CMSS1: variants seen among roughly 807,000 people sequenced by gnomAD.
CMSS1 encodes protein CMSS1.
CMSS1 carries 33 observed loss-of-function variants against 43.5 expected under a neutral mutation model. The observed-to-expected ratio is 0.76, with a 90% CI of 0.57 to 1.01. The LOEUF is 1.01. Among genes scored for constraint, CMSS1 ranks in the 50% least tolerant of loss-of-function variants. The pLI, the probability that CMSS1 is intolerant of heterozygous loss-of-function variation, is 0.00. For missense variants in CMSS1, 313 were observed against 326.4 expected, an observed-to-expected ratio of 0.96 and a Z score of 0.32; for synonymous variants, 115 against 117.2, an observed-to-expected ratio of 0.98 and a Z score of 0.12.
intron 1 of CMSS1, among the ~76,000 whole-genome samples, chr3:100,136,723 A>G (rs183132619): frequency 1.1e-4 from 16 of 152,248 alleles, no homozygotes; most frequent in Admixed American, 9.2e-4. Context: ...GACAAGGATA[A>G]AGTGAGAACA....
chr3:100,075,965 C>T (rs1345927267), intron 1 of CMSS1, among the ~76,000 whole-genome samples: 2 of 152,122 alleles, frequency 1.3e-5, no homozygotes, highest in African/African-American at 4.8e-5. Flanking sequence ...AGGCAATAGG[C>T]CCTCAGACCT....
intron 1 of CMSS1, among the ~76,000 whole-genome samples, chr3:99,826,919 GT>G (rs1329825279): frequency 7.9e-5 from 12 of 152,116 alleles, no homozygotes; most frequent in African/African-American, 2.7e-4. Context: ...CTTTGAAACA[GT>G]TCATCAGGTG....
At position 99,983,462 on chromosome 3, in the gene CMSS1, GTGTATATATATATA is replaced by G. The variant is rs1310066503; in HGVS notation, c.65-163509_65-163496del. 6.8e-3 allele frequency among the ~76,000 whole-genome samples: 81 copies of G among 11,980 alleles called. 1 individual carries two copies. The highest frequency in any genetic ancestry group is 0.12 in the Middle Eastern group (2 of 16). The allele number at this position is 11,980 out of a possible 152,430, so 7.9% of individuals were successfully genotyped here. A position where few individuals can be genotyped will look rare whatever the true frequency, so the allele number is the denominator to read the frequency against. ...TATATGTATGTATATATATATATGT[GTGTATATATATATA>G]TATATATATATATATATATATATAT... On this transcript the variant is annotated intron_variant, in intron 1 of 9. Coordinates refer to ENST00000421999, the MANE Select transcript of CMSS1 (RefSeq NM_032359.4).
intron 1 of CMSS1, chr3:99,847,993 A>T (rs775607474): frequency 9.2e-7 from 1 of 1,082,512 alleles, no homozygotes. Context: ...GTTGCAGTCA[A>T]ATTAAAGTGA....
intron 1 of CMSS1, among the ~76,000 whole-genome samples, chr3:99,961,804 T>A (rs1708500764): frequency 1.3e-5 from 2 of 152,168 alleles, no homozygotes; most frequent in African/African-American, 4.8e-5. Context: ...ATGTCAAACA[T>A]CTTTAGGTCT....
chr3:99,902,855 A>G (rs756095240), intron 1 of CMSS1, among the ~76,000 whole-genome samples: 22 of 152,344 alleles, frequency 1.4e-4, no homozygotes, highest in African/African-American at 5.3e-4. Flanking sequence ...TGAAATTTAG[A>G]TGATAAATTG....
chr3:99,819,794 G>A (rs932035761), intron 1 of CMSS1, among the ~76,000 whole-genome samples: 3 of 141,782 alleles, frequency 2.1e-5, no homozygotes, highest in East Asian at 2.0e-4. Context: ...TCCCTCTGTC[G>A]CCCAGGCTGG....
At chr3:100,159,040 T>G (rs1179935018) in intron 2 of CMSS1, among the ~76,000 whole-genome samples, 1 of 152,242 alleles carries the variant, frequency 6.6e-6, no homozygotes, top group Non-Finnish European at 1.5e-5. Flanking sequence ...GCCTGGTTTG[T>G]AATTGGACTC....
intron 1 of CMSS1, among the ~76,000 whole-genome samples, chr3:99,902,312 A>G (rs1214255358): frequency 6.6e-6 from 1 of 152,200 alleles, no homozygotes; most frequent in Non-Finnish European, 1.5e-5. Flanking sequence ...CACCTGGGAA[A>G]GAGTCAGTGC....
chr3:100,035,103 G>A (rs1036622771), intron 1 of CMSS1, among the ~76,000 whole-genome samples: 30 of 151,976 alleles, frequency 2.0e-4, no homozygotes, highest in African/African-American at 4.6e-4. Context: ...ATGTATATTC[G>A]AAATTGTTAT....
intron 1 of CMSS1, among the ~76,000 whole-genome samples, chr3:100,027,433 T>C (rs1156319860): frequency 1.3e-5 from 2 of 152,142 alleles, no homozygotes; most frequent in African/African-American, 4.8e-5. Context: ...CTGTACTTCT[T>C]TTGGCCTAGA....
chr3:99,938,069 G>C (rs998482026), intron 1 of CMSS1, among the ~76,000 whole-genome samples: 2 of 94,394 alleles, frequency 2.1e-5, no homozygotes, highest in East Asian at 8.8e-4. Flanking sequence ...GTGTGTGTGT[G>C]TGTGTGCGCG....
rs115313986 is a variant in CMSS1, at chr3:99,830,379, T to C, written c.64+12336T>C. 2.4e-3 allele frequency: 893 copies of C among 379,516 alleles called. 5 individuals carry two copies. The highest frequency in any genetic ancestry group is 0.017 in the African/African-American group (824 of 47,900). The allele number at this position is 379,516 out of a possible 1,614,324, so 23.5% of individuals were successfully genotyped here. On this transcript the variant is annotated intron_variant, in intron 1 of 9. Coordinates refer to ENST00000421999, the MANE Select transcript of CMSS1 (RefSeq NM_032359.4). ...AATTTTAGCTTTCCACATATTTCTG[T>C]AGATGAATGTATCCAGGCAGTGCAT...
chr3:99,975,808 A>G (rs897867853), intron 1 of CMSS1, among the ~76,000 whole-genome samples: 2 of 152,196 alleles, frequency 1.3e-5, no homozygotes, highest in Non-Finnish European at 1.5e-5. Context: ...GTTGAGTTGT[A>G]GAAGGAAAGT....
At chr3:99,862,119 A>T (rs981551243) in intron 1 of CMSS1, among the ~76,000 whole-genome samples, 1 of 152,250 alleles carries the variant, frequency 6.6e-6, no homozygotes, top group Admixed American at 6.5e-5. Flanking sequence ...GTAAGGTAAC[A>T]AATACGCTAA....
chr3:100,168,365 C>A (rs1363529129), intron 6 of CMSS1, among the ~76,000 whole-genome samples: 2 of 152,102 alleles, frequency 1.3e-5, no homozygotes, highest in Non-Finnish European at 2.9e-5. Context: ...CCCAAACAAC[C>A]AGTTAGAAGA....
intron 1 of CMSS1, among the ~76,000 whole-genome samples, chr3:100,079,073 A>C (rs2065894548): frequency 6.6e-6 from 1 of 152,156 alleles, no homozygotes; most frequent in Non-Finnish European, 1.5e-5. Context: ...CTGCAATAGC[A>C]TTCAGCTGAG....
At chr3:100,017,818 T>C (rs1710389723) in intron 1 of CMSS1, among the ~76,000 whole-genome samples, 1 of 152,166 alleles carries the variant, frequency 6.6e-6, no homozygotes, top group Admixed American at 6.5e-5. Flanking sequence ...CTCCTGGTTT[T>C]CAGGTCTTCA....
rs538618318 is a variant in CMSS1, at chr3:100,033,019, T to C, written c.65-113954T>C. ...CATATCCCCCTCACATGAAAGTTAGTGTGGTTTCCACTCTACTGTTACCAT... is the reference window on the plus strand; with the variant it reads ...CATATCCCCCTCACATGAAAGTTAGCGTGGTTTCCACTCTACTGTTACCAT... On this transcript the variant is annotated intron_variant, in intron 1 of 9. Transcript: ENST00000421999. 1.1e-4 allele frequency among the ~76,000 whole-genome samples: 16 copies of C among 152,016 alleles called. No homozygotes were observed. The East Asian group carries it at 3.1e-3, about 29-fold the overall frequency.
Sources: allele counts gnomAD v4.1 joint callset (sites outside exome capture counted in the v4.1 genomes callset), GRCh38; gene constraint gnomAD v4.1.1; transcripts MANE v1.5; gene names NCBI Gene and HGNC (gene_info 2026-07-23, HGNC 2026-07-21).